The following IL31RA variants were observed in gnomAD, a reference collection of about 807,000 sequenced individuals.
The protein encoded by IL31RA is interleukin-31 receptor subunit alpha.
In IL31RA, 66 loss-of-function variants were observed where a neutral mutation model predicts 83.7. The observed-to-expected ratio is 0.79, with a 90% confidence interval of 0.65 to 0.97. The LOEUF is 0.97. Ranked by LOEUF, IL31RA falls within the 50% of genes least tolerant of loss-of-function variation. The pLI is 0.00. For missense variants in IL31RA, 798 were observed against 919.4 expected, an observed-to-expected ratio of 0.87 and a Z score of 1.71; for synonymous variants, 325 against 329.0, an observed-to-expected ratio of 0.99 and a Z score of 0.13.
intron 4 of IL31RA, among the ~76,000 whole-genome samples, chr5:55,879,508 A>G (rs533747844): frequency 3.1e-5 from 4 of 128,500 alleles, no homozygotes; most frequent in East Asian, 2.5e-4. Flanking sequence ...TCTTGGCTCA[A>G]TGCAACCTCC....
In IL31RA at chr5:55,918,998, CT is replaced by C. The variant is rs1221068775; in HGVS notation, c.*1879del. Among the ~76,000 whole-genome samples, 1 of 152,180 alleles carries C rather than the reference CT, an allele frequency of 6.6e-6. No individual in the cohort carries two copies. The highest frequency in any genetic ancestry group is 1.5e-5 in the Non-Finnish European group (1 of 68,032). ...GATGCGTCCAATTCTCATGCCGCCCCTGATGTCTGCTCTCCCTGCTCTCCCT... is the reference window on the plus strand; with the variant it reads ...GATGCGTCCAATTCTCATGCCGCCCCGATGTCTGCTCTCCCTGCTCTCCCT... On this transcript the variant is annotated 3_prime_UTR_variant, in exon 15 of 15. Transcript: ENST00000652347.
intron 6 of IL31RA, 147 bp from the exon 7 acceptor site, chr5:55,896,203 C>T: frequency 5.7e-6 from 4 of 700,806 alleles, no homozygotes; most frequent in Non-Finnish European, 1.1e-5. Flanking sequence ...CATCTTTGGT[C>T]ATTGCAAAGC....
chr5:55,868,067 C>A (rs1467230808), intron 2 of IL31RA, among the ~76,000 whole-genome samples: 1 of 152,082 alleles, frequency 6.6e-6, no homozygotes, highest in African/African-American at 2.4e-5. Flanking sequence ...AAGTCACAGG[C>A]AATGATGCTA....
chr5:55,876,251 C>T (rs1332673511), intron 4 of IL31RA, among the ~76,000 whole-genome samples: 1 of 151,880 alleles, frequency 6.6e-6, no homozygotes, highest in Non-Finnish European at 1.5e-5. Context: ...ACTAAAAATA[C>T]AAAAATTAGC....
chr5:55,872,337 T>C lies in IL31RA; in HGVS notation c.340T>C (p.Ser114Pro). Residue 114 changes from serine to proline, a missense_variant, in exon 4 of 15, where the codon TCT (serine) becomes CCT (proline). Ser to Pro is a moderately conservative substitution (Grantham distance 74). Transcript: ENST00000652347. ...TACAAGTGAAAATCGTGCTTCGTGC[T>C]CTTTTTTCCTTCCAAGAATAACGAT... ...SSTSENRASC[S>P]FFLPRITIPD... 1 of 1,613,060 alleles carries C rather than the reference T, an allele frequency of 6.2e-7. No homozygotes were observed. Among genetic ancestry groups the C allele is most frequent in the Non-Finnish European group, 8.5e-7 (1 of 1,179,070 alleles).
chr5:55,876,988 A>C (rs952035588), intron 4 of IL31RA, among the ~76,000 whole-genome samples: 4 of 152,100 alleles, frequency 2.6e-5, no homozygotes, highest in Non-Finnish European at 5.9e-5. Flanking sequence ...TTGATAAGGA[A>C]GGACTTACTT....
At chr5:55,864,581 A>G (rs1025551092) in intron 2 of IL31RA, among the ~76,000 whole-genome samples, 12 of 146,654 alleles carry the variant, frequency 8.2e-5, no homozygotes, top group African/African-American at 2.8e-4. Flanking sequence ...ATACCACACA[A>G]ACACATCACA....
intron 5 of IL31RA, 123 bp downstream of exon 5, chr5:55,883,318 C>T (rs567534592): frequency 5.6e-6 from 5 of 898,270 alleles, no homozygotes; most frequent in Non-Finnish European, 8.8e-6. Context: ...AGAGACATTG[C>T]TAAGTACTTC....
At chr5:55,908,715 C>A in intron 11 of IL31RA, 1 of 1,456,916 alleles carries the variant, frequency 6.9e-7, no homozygotes, top group South Asian at 1.4e-5. Flanking sequence ...CCATCATTCC[C>A]AGGAATGGCG....
Position 55,915,960 on chromosome 5 carries a change from C to A in IL31RA, c.1819-684C>A, listed in dbSNP as rs528285971. ...CTTCTGATTTTCTGGTGAGGTTGAA[C>A]AAGTCTGTCTCTATGATGTGGTTTT... is the stretch of plus-strand genomic sequence containing the variant. On this transcript the variant is annotated intron_variant, in intron 14 of 14. Transcript: ENST00000652347. 2.6e-5 allele frequency among the ~76,000 whole-genome samples: 4 copies of A among 152,316 alleles called. No homozygotes were observed. The South Asian group carries it at 8.3e-4, about 32-fold the overall frequency.
intron 6 of IL31RA, 135 bp from the exon 7 acceptor site, chr5:55,896,215 G>T (rs1748320917): frequency 1.4e-6 from 1 of 721,356 alleles, no homozygotes; most frequent in East Asian, 2.6e-5. Flanking sequence ...TTGCAAAGCT[G>T]CCATCCCTCC....
intron 1 of IL31RA, chr5:55,853,641 T>C (rs1366320157): frequency 1.3e-5 from 19 of 1,498,452 alleles, no homozygotes; most frequent in Non-Finnish European, 1.6e-5. Flanking sequence ...TTTTCTGTTT[T>C]CTTCAGTGAA....
intron 14 of IL31RA, among the ~76,000 whole-genome samples, chr5:55,915,730 C>T (rs1017437250): frequency 6.6e-6 from 1 of 152,080 alleles, no homozygotes; most frequent in Non-Finnish European, 1.5e-5. Flanking sequence ...TGATTTATAC[C>T]CCCATTTACT....
At chr5:55,898,715 A>G (rs934668194) in intron 7 of IL31RA, among the ~76,000 whole-genome samples, 1 of 149,968 alleles carries the variant, frequency 6.7e-6, no homozygotes, top group Non-Finnish European at 1.5e-5. Context: ...TTATTTAAAA[A>G]GAATATGTGT....
intron 5 of IL31RA, among the ~76,000 whole-genome samples, chr5:55,885,361 G>A (rs1747521339): frequency 6.6e-6 from 1 of 152,072 alleles, no homozygotes; most frequent in Non-Finnish European, 1.5e-5. Context: ...CACATTGAAG[G>A]GTGAGGAGAG....
At chr5:55,865,256 T>C (rs1466567889) in intron 2 of IL31RA, among the ~76,000 whole-genome samples, 1 of 152,204 alleles carries the variant, frequency 6.6e-6, no homozygotes, top group Non-Finnish European at 1.5e-5. Context: ...GATCACTGGC[T>C]TCCTCATGGT....
In IL31RA at chr5:55,917,188, C is replaced by T. The variant is rs1314416353; in HGVS notation, c.*68C>T. On this transcript the variant is annotated 3_prime_UTR_variant, in exon 15 of 15. Transcript: ENST00000652347. Reference sequence around the variant, plus strand: ...GCCCTTGCCAGAGAAGATGTCAAGACTCGGCACGCAGCGCTTGCTTGGCCC... The same window carrying T: ...GCCCTTGCCAGAGAAGATGTCAAGATTCGGCACGCAGCGCTTGCTTGGCCC... 6.2e-7 allele frequency: 1 copy of T among 1,610,060 alleles called. No homozygotes were observed. The highest frequency in any genetic ancestry group is 1.3e-5 in the African/African-American group (1 of 74,918).
the IL31RA span, among the ~76,000 whole-genome samples, chr5:55,844,623 T>C: frequency 6.6e-6 from 1 of 152,202 alleles, no homozygotes; most frequent in African/African-American, 2.4e-5. Flanking sequence ...CTTGGTGTTC[T>C]CTGAGTTTAT....
chr5:55,897,472 C>A (rs1004055038), intron 7 of IL31RA, among the ~76,000 whole-genome samples: 9 of 152,126 alleles, frequency 5.9e-5, no homozygotes, highest in Non-Finnish European at 1.5e-5. Flanking sequence ...GTCTCCGGAA[C>A]CCCCCTCCCC....
Sources: gnomAD v4.1 joint callset for allele counts (sites outside exome capture counted in the v4.1 genomes callset) on GRCh38, gnomAD v4.1.1 for gene constraint, MANE v1.5 for transcripts, NCBI Gene and HGNC (gene_info 2026-07-23, HGNC 2026-07-21) for gene names.